Variants in SWT1 observed in about 807,000 individuals in gnomAD.
SWT1 encodes the protein SWT1 RNA endoribonuclease homolog, also known as transcriptional protein SWT1.
SWT1 carries 33 observed loss-of-function variants against 107.3 expected under a neutral mutation model. The observed-to-expected ratio is 0.31, with a 90% CI of 0.23 to 0.41. SWT1 has a LOEUF of 0.41. Among genes scored for constraint, SWT1 ranks in the 10% least tolerant of loss-of-function variants. SWT1 has a pLI of 1.00. For synonymous variants in SWT1, 345 were observed against 348.3 expected (o/e 0.99, Z 0.11); for missense variants, 898 against 1,028.9 (o/e 0.87, Z 1.74).
chr1:185,181,913 C>G (rs1464287686), intron 6 of SWT1, 33 bp from the exon 7 acceptor site: 6 of 1,610,738 alleles, frequency 3.7e-6, no homozygotes, highest in Non-Finnish European at 5.1e-6. Flanking sequence ...CAAAGTAACT[C>G]AAAATATTTC....
At chr1:185,262,790 T>C (rs1030552417) in intron 16 of SWT1, among the ~76,000 whole-genome samples, 4 of 150,202 alleles carry the variant, frequency 2.7e-5, no homozygotes, top group Admixed American at 6.6e-5. Flanking sequence ...TTCTTTCTTT[T>C]TTTTTTTTTT....
At position 185,224,555 on chromosome 1, in the gene SWT1, G is replaced by A. The variant is rs147383721; in HGVS notation, c.2309+2519G>A. Among the ~76,000 whole-genome samples the A allele has an allele frequency of 2.0e-5, 3 of 152,176 alleles. No individual in the cohort carries two copies. The East Asian group carries it at 5.8e-4, about 29-fold the overall frequency. ...TGGTAGAGATTGCATTAAATCTGTA[G>A]ATCACTTTGGAAAGTATGACCATTT... is the stretch of plus-strand genomic sequence containing the variant. On this transcript the variant is annotated intron_variant, in intron 15 of 18. Transcript: ENST00000367500.
At chr1:185,266,891 C>T (rs896941186) in intron 16 of SWT1, among the ~76,000 whole-genome samples, 3 of 152,136 alleles carry the variant, frequency 2.0e-5, no homozygotes, top group South Asian at 2.1e-4. Context: ...AGTGTTTGAA[C>T]GTACATGAAA....
chr1:185,233,651 C>A (rs1443357396), intron 16 of SWT1, among the ~76,000 whole-genome samples: 1 of 152,184 alleles, frequency 6.6e-6, no homozygotes, highest in Non-Finnish European at 1.5e-5. Flanking sequence ...AATTTGATTG[C>A]ACTGTGGTCT....
intron 13 of SWT1, among the ~76,000 whole-genome samples, chr1:185,212,460 C>T (rs1658896184): frequency 6.6e-6 from 1 of 152,084 alleles, no homozygotes; most frequent in Admixed American, 6.6e-5. Context: ...GATGTGATGA[C>T]TGTATCTTCT....
chr1:185,194,082 T>C (rs555629369), intron 10 of SWT1, among the ~76,000 whole-genome samples: 1 of 152,350 alleles, frequency 6.6e-6, no homozygotes, highest in East Asian at 1.9e-4. Flanking sequence ...AAGTCTTCTT[T>C]GTCTAGTATG....
Position 185,185,035 on chromosome 1 carries a change from T to C in SWT1, c.1429+104T>C, listed in dbSNP as rs928219981. 6.2e-6 allele frequency: 5 copies of C among 809,622 alleles called. No homozygotes were observed. In the African/African-American group the frequency reaches 9.0e-5, roughly 15 times the overall value. The allele number at this position is 809,622 out of a possible 1,614,324, so 50.2% of individuals were successfully genotyped here. On this transcript the variant is annotated intron_variant, in intron 9 of 18. Transcript: ENST00000367500. ...AAACTTTTAAAACATTTAAACCCAT[T>C]GGAATGTGAAATGGAAGGGGCATTG...
intron 4 of SWT1, among the ~76,000 whole-genome samples, chr1:185,169,010 A>G (rs768019697): frequency 3.3e-5 from 5 of 152,184 alleles, no homozygotes; most frequent in Non-Finnish European, 7.3e-5. Context: ...GTTTCTCCAA[A>G]AATAAGAAGT....
intron 17 of SWT1, among the ~76,000 whole-genome samples, chr1:185,274,196 T>A (rs543211805): frequency 3.8e-4 from 58 of 150,850 alleles, no homozygotes; most frequent in East Asian, 1.9e-3. Context: ...GAAAAAAATT[T>A]AAAAATTAAA....
chr1:185,183,353 C>T (rs765361330), intron 7 of SWT1, among the ~76,000 whole-genome samples: 2 of 151,862 alleles, frequency 1.3e-5, no homozygotes, highest in African/African-American at 2.4e-5. Flanking sequence ...GGAATTGGAG[C>T]TATCTCCACT....
chr1:185,258,689 T>G (rs189324095), intron 16 of SWT1, among the ~76,000 whole-genome samples: 1 of 152,206 alleles, frequency 6.6e-6, no homozygotes, highest in African/African-American at 2.4e-5. Context: ...AACATGTTGC[T>G]TTTTTTGCTA....
At chr1:185,234,500 G>A (rs1660723991) in intron 16 of SWT1, among the ~76,000 whole-genome samples, 1 of 152,004 alleles carries the variant, frequency 6.6e-6, no homozygotes, top group Non-Finnish European at 1.5e-5. Context: ...GAGCCTGTGT[G>A]TGTCTTTGCA....
Position 185,202,745 on chromosome 1 carries a change from C to G in SWT1, c.1615C>G (p.Leu539Val). 1 of 1,599,182 alleles carries G rather than the reference C, an allele frequency of 6.3e-7. No individual in the cohort carries two copies. Among genetic ancestry groups the G allele is most frequent in the Non-Finnish European group, 8.5e-7 (1 of 1,172,046 alleles). Reference protein sequence around the residue: ...ELSAELLHLSLNTDVCHQPCI... With the variant: ...ELSAELLHLSVNTDVCHQPCI... Reference sequence around the variant, plus strand: ...GAGTGCAGAGTTATTACACTTATCTCTGAACACAGATGTGTGTCATCAGCC... The same window carrying G: ...GAGTGCAGAGTTATTACACTTATCTGTGAACACAGATGTGTGTCATCAGCC... The change falls in exon 11 of 19, where the codon CTG becomes GTG. Residue 539 changes from leucine (L) to valine (V), a missense_variant. Leu to Val is a conservative substitution (Grantham distance 32). This residue lies in a region of SWT1 where 382 missense variants were observed against 460.0 expected (regional missense o/e 0.83). Transcript: ENST00000367500.
chr1:185,188,637 A>G (rs992958427), intron 9 of SWT1, among the ~76,000 whole-genome samples: 8 of 152,224 alleles, frequency 5.3e-5, no homozygotes, highest in Admixed American at 2.0e-4. Flanking sequence ...TAAACCGTAT[A>G]TAAGTATTTA....
chr1:185,216,083 G>T (rs1298733408), intron 14 of SWT1, among the ~76,000 whole-genome samples: 1 of 152,068 alleles, frequency 6.6e-6, no homozygotes, highest in African/African-American at 2.4e-5. Flanking sequence ...AATCATAGTT[G>T]ATGAGGAAAG....
At chr1:185,179,127 TGG>T (rs1461465425) in intron 5 of SWT1, among the ~76,000 whole-genome samples, 1 of 151,782 alleles carries the variant, frequency 6.6e-6, no homozygotes, top group East Asian at 1.9e-4. Context: ...AAAAATTAGC[TGG>T]GTATGGTGGC....
rs1018759543 is a variant in SWT1, at chr1:185,184,796, C to T, written c.1294C>T (p.Arg432Cys). The change falls in exon 9 of 19, where the codon CGT (arginine) becomes TGT (cysteine). Residue 432 changes from arginine (R) to cysteine (C), a missense_variant. Transcript: ENST00000367500. ...CTGGGTCGTTATGCAAGAGCTAGAT[C>T]GTATGAAGGAAGGAAAACTACTAAA... ...IPWVVMQELD[R>C]MKEGKLLKRA... The T allele has an allele frequency of 1.1e-5, 17 of 1,606,864 alleles. No homozygotes were observed. The highest frequency in any genetic ancestry group is 2.3e-5 in the East Asian group (1 of 44,350).
intron 5 of SWT1, among the ~76,000 whole-genome samples, chr1:185,177,204 A>G (rs1200074879): frequency 6.6e-6 from 1 of 152,142 alleles, no homozygotes; most frequent in Non-Finnish European, 1.5e-5. Context: ...TTGTGTTATA[A>G]CCATTTCTCT....
At chr1:185,240,795 G>GT (rs1260006964) in intron 16 of SWT1, among the ~76,000 whole-genome samples, 1 of 151,968 alleles carries the variant, frequency 6.6e-6, no homozygotes, top group African/African-American at 2.4e-5. Flanking sequence ...GAAGTTTGGG[G>GT]TTTTTTGGGT....
Sources: gnomAD v4.1 joint callset for allele counts (sites outside exome capture counted in the v4.1 genomes callset) on GRCh38, gnomAD v4.1.1 for gene constraint, gnomAD v4.1.1 regional missense constraint, MANE v1.5 for transcripts, NCBI Gene and HGNC (gene_info 2026-07-23, HGNC 2026-07-21) for gene names.